The following RABEP1 variants were observed in gnomAD, a reference collection of about 807,000 sequenced individuals.
RABEP1 encodes rab GTPase-binding effector protein 1.
A neutral mutation model predicts 123.4 loss-of-function variants in RABEP1; 51 were observed. That is an observed-to-expected ratio of 0.41 (90% CI 0.33 to 0.52). RABEP1 has a LOEUF of 0.52. RABEP1 is among the 20% of genes least tolerant of loss of function. The probability of loss-of-function intolerance (pLI) is 0.16; values close to 1 mark genes in which losing one functional copy is unlikely to be tolerated. For missense variants in RABEP1, 888 were observed against 996.3 expected (o/e 0.89, Z 1.46); for synonymous variants, 347 against 355.2 (o/e 0.98, Z 0.26).
intron 8 of RABEP1, among the ~76,000 whole-genome samples, chr17:5,356,103 A>G (rs1347878845): frequency 6.6e-6 from 1 of 152,228 alleles, no homozygotes; most frequent in Non-Finnish European, 1.5e-5. Context: ...AATGTTGAAT[A>G]TAATTGTTTT....
intron 1 of RABEP1, among the ~76,000 whole-genome samples, chr17:5,300,244 C>G (rs2075124143): frequency 6.6e-6 from 1 of 152,168 alleles, no homozygotes; most frequent in South Asian, 2.1e-4. Flanking sequence ...TTAGGCTTCT[C>G]TAGACTGTGA....
intron 2 of RABEP1, among the ~76,000 whole-genome samples, chr17:5,324,433 A>G (rs1272332969): frequency 6.6e-6 from 1 of 152,206 alleles, no homozygotes; most frequent in African/African-American, 2.4e-5. Context: ...ATACACAACA[A>G]TCAAAGTAGA....
intron 2 of RABEP1, among the ~76,000 whole-genome samples, chr17:5,313,621 T>C (rs2075266320): frequency 6.6e-6 from 1 of 152,204 alleles, no homozygotes; most frequent in Admixed American, 6.6e-5. Flanking sequence ...GTAACATGGG[T>C]TGGTTCAGAA....
At position 5,380,440 on chromosome 17, in the gene RABEP1, TAAAGAA is replaced by T; in HGVS notation, c.2350_2355del (p.Lys784_Lys785del). On this transcript the variant is annotated inframe_deletion, in exon 16 of 18. Coordinates refer to ENST00000537505, the MANE Select transcript of RABEP1 (RefSeq NM_004703.6). Reference sequence around the variant, plus strand: ...ATAAAGATCAGTTTGGAAGAGCAGTTAAAGAAAGAGACTGCTGCTAAGGTAGTGTTT... The same window carrying T: ...ATAAAGATCAGTTTGGAAGAGCAGTTAGAGACTGCTGCTAAGGTAGTGTTT... The T allele has an allele frequency of 6.4e-7, 1 of 1,556,826 alleles. No individual in the cohort carries two copies. The highest frequency in any genetic ancestry group is 1.4e-5 in the African/African-American group (1 of 73,700).
chr17:5,372,859 G>A (rs928649821), intron 12 of RABEP1, among the ~76,000 whole-genome samples: 10 of 152,060 alleles, frequency 6.6e-5, no homozygotes, highest in African/African-American at 2.2e-4. Context: ...GGGTTCAAGC[G>A]ATTCTCCGGC....
chr17:5,358,543 G>A (rs1336538631), intron 8 of RABEP1, among the ~76,000 whole-genome samples: 1 of 151,998 alleles, frequency 6.6e-6, no homozygotes, highest in Non-Finnish European at 1.5e-5. Flanking sequence ...GGTGTCTGGC[G>A]CCTGTCGTCC....
chr17:5,337,481 C>G (rs189707177), intron 4 of RABEP1, among the ~76,000 whole-genome samples: 27 of 151,722 alleles, frequency 1.8e-4, no homozygotes, highest in Non-Finnish European at 1.0e-4. Flanking sequence ...GTCAGGAGAT[C>G]GAGACCATCC....
intron 5 of RABEP1, among the ~76,000 whole-genome samples, chr17:5,346,236 C>A (rs778691322): frequency 3.2e-4 from 48 of 152,082 alleles, no homozygotes; most frequent in Admixed American, 1.1e-3. Context: ...TCTGCATTTG[C>A]CTTTAAGTCA....
rs201986373 is a variant in RABEP1 at position 5,354,441 on chromosome 17, T to C, written c.1046T>C (p.Val349Ala). 3.8e-4 allele frequency: 621 copies of C among 1,613,132 alleles called. No homozygotes were observed. The highest frequency in any genetic ancestry group is 5.0e-4 in the Non-Finnish European group (587 of 1,179,534). The change falls in exon 8 of 18, where the codon GTG (valine) becomes GCG (alanine). Residue 349 changes from valine to alanine, a missense_variant. Physicochemically the swap from Val to Ala is moderately conservative, Grantham distance 64 (BLOSUM62 0). Coordinates refer to ENST00000537505, the MANE Select transcript of RABEP1 (RefSeq NM_004703.6). ...DVEEEIKIPV[V>A]CALTQEESSA... Reference sequence around the variant, plus strand: ...GAGGAAGAAATAAAAATACCAGTAGTGTGTGCTTTAACTCAAGAAGAATCT... The same window carrying C: ...GAGGAAGAAATAAAAATACCAGTAGCGTGTGCTTTAACTCAAGAAGAATCT...
At chr17:5,368,276 T>C (rs959819420) in intron 11 of RABEP1, 94 bp from the exon 12 acceptor site, 2 of 859,128 alleles carry the variant, frequency 2.3e-6, no homozygotes, top group South Asian at 1.6e-5. Flanking sequence ...AAATAAAATG[T>C]CAATTCCAGA....
At chr17:5,297,572 A>G (rs2075095261) in intron 1 of RABEP1, among the ~76,000 whole-genome samples, 1 of 152,164 alleles carries the variant, frequency 6.6e-6, no homozygotes, top group African/African-American at 2.4e-5. Context: ...GGTTAGCTTA[A>G]TCTTAGAATG....
At position 5,386,056 on chromosome 17, in the gene RABEP1, A is replaced by G. The variant is rs1911932568; in HGVS notation, c.*2833A>G. 5.1e-6 allele frequency: 3 copies of G among 592,122 alleles called. No homozygotes were observed. Among genetic ancestry groups the G allele is most frequent in the East Asian group, 3.1e-5 (1 of 32,658 alleles). The allele number at this position is 592,122 out of a possible 1,614,324, so 36.7% of individuals were successfully genotyped here. On this transcript the variant is annotated 3_prime_UTR_variant, in exon 18 of 18. Transcript: ENST00000537505. ...AATTTTAAATAAAAGCATTTACTCA[A>G]TTATTATAAAACAACATATTTAAAA...
chr17:5,383,474 A>G lies in RABEP1; in HGVS notation c.*251A>G. 2.4e-6 allele frequency: 1 copy of G among 424,748 alleles called. No individual in the cohort carries two copies. The highest frequency in any genetic ancestry group is 3.8e-5 in the East Asian group (1 of 26,534). 26.3% of individuals were successfully genotyped at this position (424,748 alleles called of 1,614,324 possible). A position where few individuals can be genotyped will look rare whatever the true frequency, so the allele number is the denominator to read the frequency against. On this transcript the variant is annotated 3_prime_UTR_variant, in exon 18 of 18. Coordinates refer to ENST00000537505, the MANE Select transcript of RABEP1 (RefSeq NM_004703.6). Reference sequence around the variant, plus strand: ...GCTTGATTCCAACAGGCGTGGGATCAGATTTGGTGATGGAAAAAGCGCTGT... The same window carrying G: ...GCTTGATTCCAACAGGCGTGGGATCGGATTTGGTGATGGAAAAAGCGCTGT...
At chr17:5,285,541 A>G (rs568378834) in intron 1 of RABEP1, among the ~76,000 whole-genome samples, 2 of 152,284 alleles carry the variant, frequency 1.3e-5, no homozygotes, top group South Asian at 4.1e-4. Context: ...TGCTTTACAT[A>G]CATAAGTCTG....
chr17:5,308,004 G>A (rs2075196363), intron 1 of RABEP1, among the ~76,000 whole-genome samples: 1 of 152,182 alleles, frequency 6.6e-6, no homozygotes, highest in African/African-American at 2.4e-5. Flanking sequence ...ACACTTGAGA[G>A]AAATGGGAAA....
In RABEP1 at chr17:5,338,067, A is replaced by G; in HGVS notation, c.577A>G (p.Lys193Glu). Reference protein sequence around the residue: ...KLRSVVMPMEKEIAALKDKLT... With the variant: ...KLRSVVMPMEEEIAALKDKLT... ...TCGGTCCGTTGTGATGCCAATGGAAAAGGAAATTGCAGCTTTGAAGGATAA... is the reference window on the plus strand; with the variant it reads ...TCGGTCCGTTGTGATGCCAATGGAAGAGGAAATTGCAGCTTTGAAGGATAA... Residue 193 changes from lysine (K) to glutamate (E), a missense_variant, in exon 5 of 18, where the codon AAG becomes GAG. Transcript: ENST00000537505. The G allele has an allele frequency of 6.2e-7, 1 of 1,613,692 alleles. No individual in the cohort carries two copies. The highest frequency in any genetic ancestry group is 1.1e-5 in the South Asian group (1 of 91,048).
At chr17:5,296,432 T>C (rs1455251046) in intron 1 of RABEP1, among the ~76,000 whole-genome samples, 2 of 151,964 alleles carry the variant, frequency 1.3e-5, no homozygotes, top group African/African-American at 4.8e-5. Flanking sequence ...CCCGGCTAAT[T>C]TTGTATTTTT....
In RABEP1 at chr17:5,385,525, G is replaced by A. The variant is rs972423237; in HGVS notation, c.*2302G>A. On this transcript the variant is annotated 3_prime_UTR_variant, in exon 18 of 18. Coordinates refer to ENST00000537505, the MANE Select transcript of RABEP1 (RefSeq NM_004703.6). The stretch of plus-strand genomic sequence containing the variant: ...GTGTAAAAAGATGACTTAAGGTGAA[G>A]TGAGGACAAAATCACATTCTGCATA... 64 of 230,846 alleles carry A rather than the reference G, an allele frequency of 2.8e-4. No homozygotes were observed. Among genetic ancestry groups the A allele is most frequent in the African/African-American group, 1.4e-3 (62 of 45,224 alleles). The allele number at this position is 230,846 out of a possible 1,614,324, so 14.3% of individuals were successfully genotyped here. A position where few individuals can be genotyped will look rare whatever the true frequency, so the allele number is the denominator to read the frequency against.
chr17:5,369,017 G>A (rs764473773), intron 12 of RABEP1, among the ~76,000 whole-genome samples: 3 of 152,136 alleles, frequency 2.0e-5, no homozygotes, highest in Admixed American at 6.5e-5. Flanking sequence ...GCTGAGGCAG[G>A]AGAAGCGCTT....
Sources: gnomAD v4.1 joint callset for allele counts (sites outside exome capture counted in the v4.1 genomes callset) on GRCh38, gnomAD v4.1.1 for gene constraint, MANE v1.5 for transcripts, NCBI Gene and HGNC (gene_info 2026-07-23, HGNC 2026-07-21) for gene names.